RNF149: variants seen among roughly 807,000 people sequenced by gnomAD.
The protein encoded by RNF149 is ring finger protein 149.
Under a neutral mutation model 39.0 loss-of-function variants are expected in RNF149, and 21 were observed. The observed-to-expected ratio is 0.54, with a 90% confidence interval of 0.38 to 0.77. The LOEUF is 0.77. Ranked by LOEUF, RNF149 falls within the 30% of genes least tolerant of loss-of-function variation. RNF149 has a pLI of 0.00. For synonymous variants in RNF149, 209 were observed against 213.6 expected (o/e 0.98, Z 0.19); for missense variants, 493 against 534.9 (o/e 0.92, Z 0.77).
chr2:101,300,345 T>TA (rs1476896616), intron 1 of RNF149, among the ~76,000 whole-genome samples: 1 of 151,858 alleles, frequency 6.6e-6, no homozygotes. Flanking sequence ...AACTGAGATT[T>TA]AAAAGGTTCT....
intron 1 of RNF149, among the ~76,000 whole-genome samples, chr2:101,299,808 C>T (rs1683382573): frequency 6.6e-6 from 1 of 152,196 alleles, no homozygotes; most frequent in Non-Finnish European, 1.5e-5. Context: ...CATTCTACAG[C>T]TGAGTGTTCA....
chr2:101,286,065 C>CA lies in RNF149; in HGVS notation c.960+15dup. ...AACTGGGGCAGAGATTGAATATAAA[C>CA]AAAAATGTAACAAACCCAATATCCT... On this transcript the variant is annotated intron_variant, in intron 5 of 6. Transcript: ENST00000295317. The CA allele has an allele frequency of 1.3e-6, 2 of 1,507,560 alleles. No homozygotes were observed. Among genetic ancestry groups the CA allele is most frequent in the Non-Finnish European group, 1.8e-6 (2 of 1,086,934 alleles). The allele number at this position is 1,507,560 out of a possible 1,614,324, so 93.4% of individuals were successfully genotyped here. A position where few individuals can be genotyped will look rare whatever the true frequency, so the allele number is the denominator to read the frequency against.
intron 4 of RNF149, among the ~76,000 whole-genome samples, chr2:101,286,676 T>G (rs1682806515): frequency 6.6e-6 from 1 of 152,206 alleles, no homozygotes; most frequent in African/African-American, 2.4e-5. Context: ...CCTATCACTT[T>G]CAGAATAAAA....
chr2:101,275,473 G>A (rs1352260683), downstream of RNF149, among the ~76,000 whole-genome samples: 4 of 91,978 alleles, frequency 4.3e-5, no homozygotes, highest in South Asian at 3.9e-4. Context: ...ACGGAGTCTC[G>A]CTCTGTCGCC....
chr2:101,286,018 T>C, intron 5 of RNF149, 63 bp downstream of exon 5: 1 of 942,784 alleles, frequency 1.1e-6, no homozygotes, highest in Admixed American at 1.9e-5. Context: ...TAGTCAATAA[T>C]GAAACTGAAT....
At chr2:101,307,566 T>C (rs1193066934) in intron 1 of RNF149, among the ~76,000 whole-genome samples, 1 of 152,198 alleles carries the variant, frequency 6.6e-6, no homozygotes, top group South Asian at 2.1e-4. Context: ...GTACAGCCAG[T>C]GTTATAACCC....
At chr2:101,296,664 C>T (rs917031373) in intron 1 of RNF149, among the ~76,000 whole-genome samples, 5 of 151,982 alleles carry the variant, frequency 3.3e-5, no homozygotes, top group South Asian at 2.1e-4. Flanking sequence ...TGCGGCGGGT[C>T]GGGGGAAGCT....
At chr2:101,283,601 A>G (rs1682675105) in intron 5 of RNF149, among the ~76,000 whole-genome samples, 1 of 152,196 alleles carries the variant, frequency 6.6e-6, no homozygotes, top group Admixed American at 6.5e-5. Context: ...GTACTGTCTA[A>G]AGATTCAAAA....
chr2:101,308,098 C>A (rs754227681), intron 1 of RNF149, 31 bp downstream of exon 1: 14 of 1,600,960 alleles, frequency 8.7e-6, no homozygotes, highest in African/African-American at 4.1e-5. Flanking sequence ...CGCGAAGTCC[C>A]CCTCCCGTCC....
At chr2:101,307,443 T>A (rs1384640391) in intron 1 of RNF149, among the ~76,000 whole-genome samples, 1 of 152,210 alleles carries the variant, frequency 6.6e-6, no homozygotes. Context: ...CCTCCCAAAG[T>A]GCTGGGATTA....
chr2:101,275,670 T>C lies in RNF149; in HGVS notation c.*1568A>G, dbSNP rs564703869. On this transcript the variant is annotated 3_prime_UTR_variant, in exon 7 of 7. Coordinates refer to ENST00000295317, the MANE Select transcript of RNF149 (RefSeq NM_173647.4). Reference sequence around the variant, plus strand: ...TTTAGCCGGGATGGTCTCGATCTCCTGACCTCGTGATCCGCCCGCCTCGGC... The same window carrying C: ...TTTAGCCGGGATGGTCTCGATCTCCCGACCTCGTGATCCGCCCGCCTCGGC... The C allele has an allele frequency of 1.6e-3, 337 of 214,648 alleles. 3 individuals carry two copies. Among genetic ancestry groups the C allele is most frequent in the African/African-American group, 7.5e-3 (314 of 41,616 alleles). The allele number at this position is 214,648 out of a possible 1,614,324, so 13.3% of individuals were successfully genotyped here.
downstream of RNF149, among the ~76,000 whole-genome samples, chr2:101,274,572 T>C (rs1439406951): frequency 1.3e-5 from 2 of 152,222 alleles, no homozygotes; most frequent in African/African-American, 2.4e-5. Context: ...CAGTCACTTC[T>C]TGCTTTCCAG....
At chr2:101,307,959 T>A (rs552314141) in intron 1 of RNF149, 170 bp downstream of exon 1, 2 of 985,400 alleles carry the variant, frequency 2.0e-6, no homozygotes, top group Admixed American at 1.2e-4. Context: ...CCAACAGCGA[T>A]CGGGGAGCCG....
At chr2:101,285,056 G>A (rs975238759) in intron 5 of RNF149, among the ~76,000 whole-genome samples, 2 of 151,824 alleles carry the variant, frequency 1.3e-5, no homozygotes, top group Non-Finnish European at 2.9e-5. Flanking sequence ...CATCATATCC[G>A]GCTAATTTTT....
chr2:101,308,631 C>T lies in RNF149; in HGVS notation c.-43G>A, dbSNP rs1195058825. On this transcript the variant is annotated 5_prime_UTR_variant, in exon 1 of 7. Transcript: ENST00000295317. ...GACTAGGGGGAGTCAGGGTCACGCG[C>T]GAGTGCGGTGCAGTCGAAGAGCAGA... The T allele has an allele frequency of 3.4e-6, 5 of 1,454,286 alleles. No homozygotes were observed. Among genetic ancestry groups the T allele is most frequent in the Non-Finnish European group, 4.5e-6 (5 of 1,107,282 alleles). The allele number at this position is 1,454,286 out of a possible 1,614,324, so 90.1% of individuals were successfully genotyped here.
intron 3 of RNF149, among the ~76,000 whole-genome samples, chr2:101,291,967 A>C (rs1008694047): frequency 6.6e-6 from 1 of 152,242 alleles, no homozygotes; most frequent in Non-Finnish European, 1.5e-5. Context: ...AAATGCATTT[A>C]ATGTACCTAA....
In RNF149 at chr2:101,308,174, T is replaced by G. The variant is rs1422872942; in HGVS notation, c.415A>C (p.Asn139His). ...RRNASAVVLY[N>H]EERYGNITLP... ...GTGATGTTCCCGTAGCGCTCCTCAT[T>G]GTAGAGGACGACGGCCGAGGCGTTC... The change falls in exon 1 of 7, where the codon AAT becomes CAT. Residue 139 changes from asparagine to histidine, a missense_variant. Physicochemically the swap from Asn to His is moderately conservative, Grantham distance 68. Coordinates refer to ENST00000295317, the MANE Select transcript of RNF149 (RefSeq NM_173647.4). 6.2e-7 allele frequency: 1 copy of G among 1,610,420 alleles called. No homozygotes were observed. The highest frequency in any genetic ancestry group is 8.5e-7 in the Non-Finnish European group (1 of 1,179,246).
chr2:101,281,861 A>G lies in RNF149; in HGVS notation c.1157T>C (p.Leu386Pro). ...KGDAGENTAL[L>P]EAGRSDSRHG... ...TTTATAATTTGCACACCGCTCACCT[A>G]GCAATGCCGTATTTTCTCCTGCATC... The change falls in exon 6 of 7, where the codon CTA (leucine) becomes CCA (proline). Residue 386 changes from leucine to proline, a missense_variant and splice_region_variant. Physicochemically the swap from Leu to Pro is moderately conservative, Grantham distance 98. Coordinates refer to ENST00000295317, the MANE Select transcript of RNF149 (RefSeq NM_173647.4). 4 of 1,613,640 alleles carry G rather than the reference A, an allele frequency of 2.5e-6. No homozygotes were observed. Among genetic ancestry groups the G allele is most frequent in the Non-Finnish European group, 3.4e-6 (4 of 1,179,960 alleles).
rs138575347 is a variant in RNF149, at chr2:101,294,014, C to T, written c.780G>A (p.Lys260=). The change falls in exon 3 of 7, where the codon AAG becomes AAA. Residue 260 remains lysine, a splice_region_variant and synonymous_variant. Coordinates refer to ENST00000295317, the MANE Select transcript of RNF149 (RefSeq NM_173647.4). ...LLLHTVKHGE[K]GIDVDAENCA... is the part of the protein sequence containing the mutation. ...AAAAGAAAAACCATGAAAATATTAC[C>T]TTTTCTCCATGCTTTACAGTATGAA... 7 of 1,550,546 alleles carry T rather than the reference C, an allele frequency of 4.5e-6. No individual in the cohort carries two copies. In the African/African-American group the frequency reaches 9.5e-5, roughly 21 times the overall value.
Sources: allele counts gnomAD v4.1 joint callset (sites outside exome capture counted in the v4.1 genomes callset), GRCh38; gene constraint gnomAD v4.1.1; transcripts MANE v1.5; gene names NCBI Gene and HGNC (gene_info 2026-07-23, HGNC 2026-07-21).